OCA2: variants seen among roughly 807,000 people sequenced by gnomAD.
The protein encoded by OCA2 is OCA2 melanosomal transmembrane protein, also known as P protein.
In OCA2, 77 loss-of-function variants were observed where a neutral mutation model predicts 100.2. The observed-to-expected ratio is 0.77, with a 90% confidence interval of 0.64 to 0.93. The LOEUF (loss-of-function observed/expected upper bound fraction) is 0.93. OCA2 is among the 40% of genes least tolerant of loss of function. The pLI, the probability that OCA2 is intolerant of heterozygous loss-of-function variation, is 0.00. For missense variants in OCA2, 1,062 were observed against 1,089.1 expected (o/e 0.98, Z 0.35); for synonymous variants, 432 against 439.2 (o/e 0.98, Z 0.21).
chr15:27,827,942 G>A (rs1486299461), intron 23 of OCA2, among the ~76,000 whole-genome samples: 2 of 152,012 alleles, frequency 1.3e-5, no homozygotes, highest in African/African-American at 4.8e-5. Context: ...TGGATAAGAC[G>A]ATCTATAGCA....
intron 21 of OCA2, among the ~76,000 whole-genome samples, chr15:27,864,667 G>C (rs1449983003): frequency 6.6e-6 from 1 of 152,174 alleles, no homozygotes; most frequent in African/African-American, 2.4e-5. Context: ...CAACAAGTCA[G>C]TTGAAGGAAA....
chr15:27,826,392 C>G (rs1566996693), intron 23 of OCA2, among the ~76,000 whole-genome samples: 1 of 152,034 alleles, frequency 6.6e-6, no homozygotes, highest in Non-Finnish European at 1.5e-5. Flanking sequence ...AACAGTAGGA[C>G]TAGGGTTCAA....
At chr15:27,785,677 G>T (rs887260612) in intron 23 of OCA2, among the ~76,000 whole-genome samples, 6 of 152,178 alleles carry the variant, frequency 3.9e-5, no homozygotes, top group Non-Finnish European at 8.8e-5. Context: ...ATGGAAGACA[G>T]TATGGCAGTG....
In OCA2 at chr15:28,070,439, T is replaced by TG. The variant is rs1405205090; in HGVS notation, c.227+11208dup. On this transcript the variant is annotated intron_variant, in intron 2 of 23. Transcript: ENST00000354638. ...CCAGCCACCCCGTCCGGGAGGGAGA[T>TG]GGGGGGGTCAGCCCCCCCACCCGGC... 7.2e-5 allele frequency among the ~76,000 whole-genome samples: 7 copies of TG among 96,856 alleles called. 1 individual carries two copies. The highest frequency in any genetic ancestry group is 7.7e-4 in the East Asian group (2 of 2,594). 63.5% of individuals were successfully genotyped at this position (96,856 alleles called of 152,430 possible). A position where few individuals can be genotyped will look rare whatever the true frequency, so the allele number is the denominator to read the frequency against.
intron 23 of OCA2, among the ~76,000 whole-genome samples, chr15:27,820,227 G>A (rs949158935): frequency 2.6e-5 from 4 of 152,148 alleles, no homozygotes; most frequent in South Asian, 2.1e-4. Context: ...CTTCCTCCTC[G>A]AGCGGGGAGC....
intron 1 of OCA2, among the ~76,000 whole-genome samples, chr15:28,093,317 G>A (rs1361442046): frequency 1.3e-5 from 2 of 151,918 alleles, no homozygotes; most frequent in African/African-American, 4.8e-5. Context: ...AGCTACCGAG[G>A]AGACTGAGGC....
At chr15:28,098,528 CTG>C in intron 1 of OCA2, among the ~76,000 whole-genome samples, 1 of 152,362 alleles carries the variant, frequency 6.6e-6, no homozygotes, top group South Asian at 2.1e-4. Flanking sequence ...ACATTGTAGA[CTG>C]TCACATTGGT....
chr15:27,966,999 G>A (rs1261398763), intron 14 of OCA2, among the ~76,000 whole-genome samples, 177 bp from the exon 15 acceptor site: 2 of 152,282 alleles, frequency 1.3e-5, no homozygotes, highest in South Asian at 2.1e-4. Flanking sequence ...GCGTGGTGGC[G>A]GGTGCCTGTA....
At chr15:27,769,136 A>T (rs2031515308) in intron 23 of OCA2, among the ~76,000 whole-genome samples, 1 of 152,208 alleles carries the variant, frequency 6.6e-6, no homozygotes, top group Non-Finnish European at 1.5e-5. Context: ...AAGCTCAGGA[A>T]AAGGGCATTT....
intron 18 of OCA2, among the ~76,000 whole-genome samples, chr15:27,944,235 T>C (rs2039754880): frequency 6.6e-6 from 1 of 152,226 alleles, no homozygotes; most frequent in Non-Finnish European, 1.5e-5. Context: ...GAGAAAATTA[T>C]GACAGTGAGG....
chr15:27,764,487 CT>C (rs1403233958), intron 23 of OCA2, among the ~76,000 whole-genome samples: 1 of 152,156 alleles, frequency 6.6e-6, no homozygotes, highest in East Asian at 1.9e-4. Flanking sequence ...AAACTGCTCC[CT>C]TTTTACAGAC....
intron 23 of OCA2, among the ~76,000 whole-genome samples, chr15:27,800,612 T>C (rs971743333): frequency 7.2e-5 from 11 of 152,288 alleles, no homozygotes; most frequent in African/African-American, 2.6e-4. Context: ...TCCTTGAAGA[T>C]ACAAGTTATC....
intron 9 of OCA2, among the ~76,000 whole-genome samples, chr15:27,991,624 C>A (rs2041558731): frequency 6.6e-6 from 1 of 151,184 alleles, no homozygotes; most frequent in Non-Finnish European, 1.5e-5. Flanking sequence ...ATGAAATGTT[C>A]TAGAACTTGT....
chr15:27,924,810 C>A (rs1269947222), intron 19 of OCA2, among the ~76,000 whole-genome samples: 1 of 151,946 alleles, frequency 6.6e-6, no homozygotes, highest in African/African-American at 2.4e-5. Context: ...GACGTGAAGC[C>A]AAGCGTATGA....
intron 19 of OCA2, among the ~76,000 whole-genome samples, chr15:27,872,644 A>G (rs558812302): frequency 4.1e-4 from 63 of 152,072 alleles, no homozygotes; most frequent in African/African-American, 1.4e-3. Context: ...AAGACTGCAA[A>G]TATTGGAAAC....
chr15:27,874,787 G>C (rs1277065379), intron 19 of OCA2, among the ~76,000 whole-genome samples: 1 of 152,016 alleles, frequency 6.6e-6, no homozygotes, highest in African/African-American at 2.4e-5. Context: ...TGCCAGGAAA[G>C]GGGAAATAGA....
intron 9 of OCA2, among the ~76,000 whole-genome samples, chr15:28,006,053 T>C (rs1048456207): frequency 5.9e-5 from 9 of 152,274 alleles, no homozygotes; most frequent in Non-Finnish European, 1.2e-4. Context: ...CTGTGCTTGA[T>C]GTCCTCAACT....
chr15:27,722,143 G>T, the OCA2 span, among the ~76,000 whole-genome samples: 2 of 152,220 alleles, frequency 1.3e-5, no homozygotes, highest in East Asian at 1.9e-4. Flanking sequence ...CAGTAGGGAT[G>T]CAAGAATGTG....
intron 15 of OCA2, among the ~76,000 whole-genome samples, chr15:27,965,087 TGTCCCA>T (rs1479748324): frequency 3.9e-5 from 6 of 152,042 alleles, no homozygotes; most frequent in Non-Finnish European, 7.4e-5. Context: ...ATACAACAAT[TGTCCCA>T]GGTCACTGTG....
Sources: gnomAD v4.1 joint callset for allele counts (sites outside exome capture counted in the v4.1 genomes callset) on GRCh38, gnomAD v4.1.1 for gene constraint, MANE v1.5 for transcripts, NCBI Gene and HGNC (gene_info 2026-07-23, HGNC 2026-07-21) for gene names.